WDR75: variants seen among roughly 807,000 people sequenced by gnomAD.
The protein encoded by WDR75 is WD repeat domain 75.
A neutral mutation model predicts 106.1 loss-of-function variants in WDR75; 52 were observed. The observed-to-expected ratio is 0.49, with a 90% CI of 0.39 to 0.62. The LOEUF is 0.62. Ranked by LOEUF, WDR75 falls within the 20% of genes least tolerant of loss-of-function variation. The probability of loss-of-function intolerance (pLI) is 0.00; values close to 1 mark genes in which losing one functional copy is unlikely to be tolerated. For missense variants in WDR75, 905 were observed against 970.3 expected, an observed-to-expected ratio of 0.93 and a Z score of 0.89; for synonymous variants, 333 against 335.5, an observed-to-expected ratio of 0.99 and a Z score of 0.08.
intron 19 of WDR75, 73 bp downstream of exon 19, chr2:189,474,405 G>A: frequency 6.7e-7 from 1 of 1,498,948 alleles, no homozygotes; most frequent in South Asian, 1.3e-5. Context: ...TTTTGACACA[G>A]TCAATCTGTA....
rs139366655 is a variant in WDR75 at position 189,451,562 on chromosome 2, A to G, written c.283-243A>G. On this transcript the variant is annotated intron_variant, in intron 3 of 20. Transcript: ENST00000314761. ...ATTGTTTATGGTAGGAAAAAAGTTAAATATGACCTTGATGTCAGTTAAAAT... is the reference window on the plus strand; with the variant it reads ...ATTGTTTATGGTAGGAAAAAAGTTAGATATGACCTTGATGTCAGTTAAAAT... 6.6e-5 allele frequency among the ~76,000 whole-genome samples: 10 copies of G among 152,356 alleles called. No homozygotes were observed. The East Asian group carries it at 1.9e-3, about 29-fold the overall frequency.
At chr2:189,451,601 G>C (rs7572416) in intron 3 of WDR75, among the ~76,000 whole-genome samples, 3 of 152,126 alleles carry the variant, frequency 2.0e-5, no homozygotes, top group Non-Finnish European at 4.4e-5. Context: ...GATACATTCA[G>C]TACAATACCA....
chr2:189,445,271 G>A (rs1686472337), intron 1 of WDR75, among the ~76,000 whole-genome samples: 1 of 152,178 alleles, frequency 6.6e-6, no homozygotes, highest in African/African-American at 2.4e-5. Flanking sequence ...ATCCATTTGT[G>A]TTTGACTTAT....
chr2:189,463,610 C>T (rs574286122), intron 9 of WDR75, 84 bp from the exon 10 acceptor site: 13 of 1,254,220 alleles, frequency 1.0e-5, no homozygotes, highest in African/African-American at 4.5e-5. Flanking sequence ...TGTTAGGCTG[C>T]ATAAAAAGCC....
At chr2:189,474,604 A>G (rs1464663356) in intron 19 of WDR75, 113 bp from the exon 20 acceptor site, 2 of 980,706 alleles carry the variant, frequency 2.0e-6, no homozygotes, top group Admixed American at 2.5e-5. Flanking sequence ...AAGCCTTTTC[A>G]TGTTTCACTC....
intron 19 of WDR75, 111 bp downstream of exon 19, chr2:189,474,443 C>G (rs933271392): frequency 7.9e-6 from 10 of 1,260,592 alleles, no homozygotes; most frequent in Admixed American, 7.1e-5. Flanking sequence ...CTTTAATACC[C>G]AAACTAAATA....
intron 2 of WDR75, chr2:189,450,265 A>G (rs1185151327): frequency 4.1e-6 from 4 of 985,456 alleles, no homozygotes; most frequent in South Asian, 4.7e-5. Context: ...ATGCTCATAT[A>G]AGGTAAAAGG....
intron 5 of WDR75, among the ~76,000 whole-genome samples, chr2:189,456,636 A>G (rs1420980312): frequency 1.3e-5 from 2 of 152,090 alleles, no homozygotes; most frequent in Non-Finnish European, 2.9e-5. Context: ...GAATGACTGT[A>G]AAGAGGGAGG....
At chr2:189,451,660 A>G in intron 3 of WDR75, 145 bp from the exon 4 acceptor site, 2 of 635,382 alleles carry the variant, frequency 3.1e-6, no homozygotes, top group Non-Finnish European at 5.5e-6. Context: ...ACAAATATGT[A>G]TTAGTTGTCT....
intron 15 of WDR75, 62 bp from the exon 16 acceptor site, chr2:189,469,282 G>T (rs995400865): frequency 4.4e-6 from 6 of 1,352,544 alleles, no homozygotes; most frequent in East Asian, 2.3e-5. Flanking sequence ...AATAAGAGAA[G>T]TTTTTTAAAG....
intron 8 of WDR75, 50 bp from the exon 9 acceptor site, chr2:189,462,434 C>G (rs1686909487): frequency 6.3e-7 from 1 of 1,578,072 alleles, no homozygotes; most frequent in African/African-American, 1.4e-5. Context: ...TTTTCTTTCT[C>G]TTTTTTCCTC....
chr2:189,469,542 A>T (rs2105572856), intron 16 of WDR75, 103 bp downstream of exon 16: 1 of 953,388 alleles, frequency 1.0e-6, no homozygotes. Flanking sequence ...TGTTAATTGG[A>T]AGCCATTTTG....
intron 4 of WDR75, chr2:189,452,195 G>A (rs6725458): frequency 0.049 from 14,052 of 286,024 alleles, 593 homozygotes; most frequent in African/African-American, 0.14. Flanking sequence ...CTGTTATTAA[G>A]CATCACTATC....
At chr2:189,466,270 A>C in intron 12 of WDR75, among the ~76,000 whole-genome samples, 155 bp from the exon 13 acceptor site, 1 of 152,188 alleles carries the variant, frequency 6.6e-6, no homozygotes, top group Non-Finnish European at 1.5e-5. Flanking sequence ...TCCTGTGGCC[A>C]TTAGAGGTAG....
rs749013267 is a variant in WDR75 at position 189,470,188 on chromosome 2, C to T, written c.1932C>T (p.Thr644=). The change falls in exon 17 of 21, where the codon ACC becomes ACT. Residue 644 remains threonine, a synonymous_variant. Transcript: ENST00000314761. ...FVPRDVPESF[T]SEAYQWLNRS... is the part of the protein sequence containing the mutation. ...CACGAGATGTCCCTGAATCCTTCACCTCAGAAGCTTACCAGTGGCTAAATA... is the reference window on the plus strand; with the variant it reads ...CACGAGATGTCCCTGAATCCTTCACTTCAGAAGCTTACCAGTGGCTAAATA... 14 of 1,613,492 alleles carry T rather than the reference C, an allele frequency of 8.7e-6. No individual in the cohort carries two copies. Among genetic ancestry groups the T allele is most frequent in the Non-Finnish European group, 1.2e-5 (14 of 1,179,600 alleles).
chr2:189,451,089 A>G, intron 3 of WDR75, 121 bp downstream of exon 3: 1 of 1,244,702 alleles, frequency 8.0e-7, no homozygotes, highest in Non-Finnish European at 1.0e-6. Flanking sequence ...AAGTTACAAA[A>G]TAACATCAAA....
intron 8 of WDR75, among the ~76,000 whole-genome samples, chr2:189,460,854 A>T (rs977675864): frequency 6.6e-6 from 1 of 152,110 alleles, no homozygotes; most frequent in Non-Finnish European, 1.5e-5. Flanking sequence ...AATATTTTTA[A>T]ATGAGAAATA....
At chr2:189,449,503 G>A (rs1403700468) in intron 2 of WDR75, 8 of 1,097,032 alleles carry the variant, frequency 7.3e-6, no homozygotes, top group African/African-American at 1.6e-5. Context: ...TGTTAAAATT[G>A]AAATTTGTGA....
In WDR75 at chr2:189,455,314, G is replaced by T; in HGVS notation, c.374-6G>T. ...GCTTTATATTAATATAGCTTTCTTTGGCTAGATATATTTCAGCTGGTTTCA... is the reference window on the plus strand; with the variant it reads ...GCTTTATATTAATATAGCTTTCTTTTGCTAGATATATTTCAGCTGGTTTCA... On this transcript the variant is annotated splice_region_variant and splice_polypyrimidine_tract_variant and intron_variant, in intron 4 of 20. Coordinates refer to ENST00000314761, the MANE Select transcript of WDR75 (RefSeq NM_032168.3). 6.2e-7 allele frequency: 1 copy of T among 1,611,764 alleles called. No individual in the cohort carries two copies. Among genetic ancestry groups the T allele is most frequent in the South Asian group, 1.1e-5 (1 of 90,924 alleles).
Sources: gnomAD v4.1 joint callset for allele counts (sites outside exome capture counted in the v4.1 genomes callset) on GRCh38, gnomAD v4.1.1 for gene constraint, MANE v1.5 for transcripts, NCBI Gene and HGNC (gene_info 2026-07-23, HGNC 2026-07-21) for gene names.